Variants in MUC7 observed in about 807,000 individuals in gnomAD.
MUC7 encodes the protein mucin 7, secreted.
MUC7 carries 2 observed loss-of-function variants against 2.5 expected under a neutral mutation model. That is an observed-to-expected ratio of 0.81 (90% CI 0.33 to 2.55). MUC7 has a LOEUF of 2.55. Ranked by LOEUF, MUC7 falls within the 30% of genes most tolerant of loss-of-function variation. MUC7 has a pLI of 0.11. For missense variants in MUC7, 408 were observed against 455.6 expected (o/e 0.90, Z 0.95); for synonymous variants, 133 against 173.4 (o/e 0.77, Z 1.83).
At position 70,453,490 on chromosome 4, in the gene MUC7, C is replaced by T. The variant is rs375672649; in HGVS notation, c.-92-18725C>T. Reference sequence around the variant, plus strand: ...CTCTTCAGTCAGCTTGTGCTGAATGCTGCCAGGCCTGGGACTCACCCTTCA... The same window carrying T: ...CTCTTCAGTCAGCTTGTGCTGAATGTTGCCAGGCCTGGGACTCACCCTTCA... On this transcript the variant is annotated intron_variant, in intron 1 of 3. Transcript: ENST00000413702. Among the ~76,000 whole-genome samples the T allele has an allele frequency of 5.2e-4, 79 of 152,266 alleles. 2 individuals carry two copies. The South Asian group carries it at 0.016, about 31-fold the overall frequency.
chr4:70,446,282 C>T (rs1244339663), intron 1 of MUC7, among the ~76,000 whole-genome samples: 1 of 152,178 alleles, frequency 6.6e-6, no homozygotes, highest in African/African-American at 2.4e-5. Context: ...CCCTTGTCTT[C>T]ATTTGTAATA....
chr4:70,464,369 A>G lies in MUC7; in HGVS notation c.-92-7846A>G, dbSNP rs530140022. Among the ~76,000 whole-genome samples the G allele has an allele frequency of 5.3e-5, 8 of 152,224 alleles. No individual in the cohort carries two copies. In the East Asian group the frequency reaches 1.4e-3, roughly 26 times the overall value. On this transcript the variant is annotated intron_variant, in intron 1 of 3. Transcript: ENST00000413702. The stretch of plus-strand genomic sequence containing the variant: ...GCTGCAGAAGTTTTTTTCATACCCC[A>G]GTGGCACCTGGAACACCAGTGAGAC...
chr4:70,457,121 C>T (rs930059036), intron 1 of MUC7, among the ~76,000 whole-genome samples: 8 of 152,132 alleles, frequency 5.3e-5, no homozygotes, highest in Non-Finnish European at 1.0e-4. Context: ...TTCTTCATAA[C>T]AGAACAATGT....
chr4:70,471,366 T>C (rs918319797), upstream of MUC7, among the ~76,000 whole-genome samples: 1 of 152,172 alleles, frequency 6.6e-6, no homozygotes, highest in African/African-American at 2.4e-5. Context: ...AGTTGAGTCC[T>C]GGTAGGAACA....
At chr4:70,434,423 C>T (rs1219484654) in intron 1 of MUC7, among the ~76,000 whole-genome samples, 1 of 152,150 alleles carries the variant, frequency 6.6e-6, no homozygotes, top group Admixed American at 6.5e-5. Context: ...TTCAGAGATT[C>T]AACTTCTTCC....
Position 70,481,337 on chromosome 4 carries a change from C to T in MUC7, c.593C>T (p.Thr198Ile). 1 of 1,612,474 alleles carries T rather than the reference C, an allele frequency of 6.2e-7. No individual in the cohort carries two copies. The highest frequency in any genetic ancestry group is 8.5e-7 in the Non-Finnish European group (1 of 1,179,316). The stretch of plus-strand genomic sequence containing the variant: ...GCTGCCCCACCCACACCTTCTGCAA[C>T]TACACAAGCTCCACCATCTTCCTCA... ...TTAAPPTPSATTQAPPSSSAP... is the reference protein window; with the variant it reads ...TTAAPPTPSAITQAPPSSSAP... The change falls in exon 3 of 3, where the codon ACT becomes ATT. Residue 198 changes from threonine (T) to isoleucine (I), a missense_variant. Transcript: ENST00000304887.
intron 1 of MUC7, among the ~76,000 whole-genome samples, chr4:70,451,764 A>C (rs1734287000): frequency 6.6e-6 from 1 of 152,138 alleles, no homozygotes; most frequent in Non-Finnish European, 1.5e-5. Context: ...TTCTGTAAAT[A>C]TGTATTAGGT....
chr4:70,467,340 A>G (rs1321832916), upstream of MUC7, among the ~76,000 whole-genome samples: 1 of 152,198 alleles, frequency 6.6e-6, no homozygotes, highest in Non-Finnish European at 1.5e-5. Context: ...TAACATCACA[A>G]TTAAAAGAAC....
rs192831290 is a variant in MUC7 at position 70,465,854 on chromosome 4, C to T, written c.-92-6361C>T. On this transcript the variant is annotated intron_variant, in intron 1 of 3. Coordinates refer to the MUC7 transcript ENST00000413702. ...ATATTATCCAGGAGAACTTCCCCAA[C>T]CCAGCAAAACAGACCAACATTCAAA... Among the ~76,000 whole-genome samples the T allele has an allele frequency of 9.1e-4, 138 of 152,246 alleles. No individual in the cohort carries two copies. The Middle Eastern group carries it at 0.01, about 11-fold the overall frequency.
intron 1 of MUC7, among the ~76,000 whole-genome samples, chr4:70,462,937 G>A (rs750386320): frequency 2.0e-5 from 3 of 152,096 alleles, no homozygotes; most frequent in Non-Finnish European, 4.4e-5. Flanking sequence ...CTGCACTCCA[G>A]CCCGGGCAAC....
chr4:70,443,047 A>C (rs1471914841), intron 1 of MUC7, among the ~76,000 whole-genome samples: 2 of 152,188 alleles, frequency 1.3e-5, no homozygotes, highest in Non-Finnish European at 2.9e-5. Flanking sequence ...ACTCATGTGA[A>C]CTTACTTCTT....
In MUC7 at chr4:70,474,051, C is replaced by G; in HGVS notation, c.30C>G (p.Ile10Met). Residue 10 changes from isoleucine to methionine, a missense_variant, in exon 2 of 3, where the codon ATC becomes ATG. Coordinates refer to ENST00000304887, the MANE Select transcript of MUC7 (RefSeq NM_152291.3). MKTLPLFVC[I>M]CALSACFSFS... ...AAACTCTGCCGCTGTTTGTGTGCAT[C>G]TGTGCACTGAGTGCTTGCTTCTCGG... 2.5e-6 allele frequency: 4 copies of G among 1,613,286 alleles called. No homozygotes were observed. The highest frequency in any genetic ancestry group is 3.4e-6 in the Non-Finnish European group (4 of 1,179,518).
chr4:70,445,121 T>A (rs73824702), intron 1 of MUC7, among the ~76,000 whole-genome samples: 3 of 152,140 alleles, frequency 2.0e-5, no homozygotes, highest in Non-Finnish European at 4.4e-5. Flanking sequence ...TTCCCTCAAC[T>A]GCTCTGTTTA....
At chr4:70,434,159 T>C (rs1733758625) in intron 1 of MUC7, among the ~76,000 whole-genome samples, 1 of 152,062 alleles carries the variant, frequency 6.6e-6, no homozygotes, top group South Asian at 2.1e-4. Flanking sequence ...CAATGTTCAT[T>C]AGCAAAACTG....
In MUC7 at chr4:70,481,885, G is replaced by C. The variant is rs755143898; in HGVS notation, c.*7G>C. ...CGACATGGTGGAGCAATAGTATATT[G>C]TATGTTGTAAAGTGTTCTGTCATTT... On this transcript the variant is annotated 3_prime_UTR_variant, in exon 3 of 3. Transcript: ENST00000304887. 1.2e-6 allele frequency: 2 copies of C among 1,611,166 alleles called. No individual in the cohort carries two copies. Among genetic ancestry groups the C allele is most frequent in the East Asian group, 4.5e-5 (2 of 44,834 alleles).
intron 1 of MUC7, among the ~76,000 whole-genome samples, chr4:70,467,017 C>T (rs1734700715): frequency 1.3e-5 from 2 of 152,174 alleles, no homozygotes; most frequent in Non-Finnish European, 2.9e-5. Flanking sequence ...AAGTAAAACA[C>T]TCCTCAGCAA....
At chr4:70,449,524 C>A (rs1734227233) in intron 1 of MUC7, among the ~76,000 whole-genome samples, 1 of 152,146 alleles carries the variant, frequency 6.6e-6, no homozygotes, top group South Asian at 2.1e-4. Context: ...CAATTCAAGA[C>A]AATATTTGGG....
rs143614622 is a variant in MUC7 at position 70,482,532 on chromosome 4, A to G, written c.*654A>G. 1 of 152,406 alleles carries G rather than the reference A, an allele frequency of 6.6e-6. No homozygotes were observed. The highest frequency in any genetic ancestry group is 2.4e-5 in the African/African-American group (1 of 41,548). The allele number at this position is 152,406 out of a possible 1,614,324, so 9.4% of individuals were successfully genotyped here. A position where few individuals can be genotyped will look rare whatever the true frequency, so the allele number is the denominator to read the frequency against. ...CCAAGCACGAACCAAGACTGGCACTATTTTTCTTAGTGTATATAATTGTTT... is the reference window on the plus strand; with the variant it reads ...CCAAGCACGAACCAAGACTGGCACTGTTTTTCTTAGTGTATATAATTGTTT... On this transcript the variant is annotated 3_prime_UTR_variant, in exon 3 of 3. Transcript: ENST00000304887.
chr4:70,454,679 G>A (rs1352690), intron 1 of MUC7, among the ~76,000 whole-genome samples: 3,299 of 151,760 alleles, frequency 0.022, 65 homozygotes, highest in Middle Eastern at 0.071. Context: ...GATAGTGGTC[G>A]AATTTGGTGT....
Sources: allele counts gnomAD v4.1 joint callset (sites outside exome capture counted in the v4.1 genomes callset), GRCh38; gene constraint gnomAD v4.1.1; transcripts MANE v1.5; gene names NCBI Gene and HGNC (gene_info 2026-07-23, HGNC 2026-07-21).